Variants in FBXW11 observed in about 807,000 individuals in gnomAD.
FBXW11 encodes the protein F-box and WD repeat domain containing 11, also known as F-box/WD repeat-containing protein 11.
In FBXW11, 19 loss-of-function variants were observed where a neutral mutation model predicts 77.6. The ratio of observed to expected loss-of-function variants is 0.24; its 90% confidence interval spans 0.17 to 0.36. FBXW11 has a LOEUF of 0.36. Ranked by LOEUF, FBXW11 falls within the 10% of genes least tolerant of loss-of-function variation. The probability of loss-of-function intolerance (pLI) is 1.00; values close to 1 mark genes in which losing one functional copy is unlikely to be tolerated. For missense variants in FBXW11, 334 were observed against 704.2 expected, an observed-to-expected ratio of 0.47 and a Z score of 5.95; for synonymous variants, 235 against 249.4, an observed-to-expected ratio of 0.94 and a Z score of 0.54.
intron 1 of FBXW11, among the ~76,000 whole-genome samples, chr5:171,979,549 C>T (rs1259054120): frequency 6.6e-6 from 1 of 151,746 alleles, no homozygotes. Flanking sequence ...AAGGTAAGTT[C>T]CTATTCAATA....
At chr5:171,884,866 T>G (rs748093529) in intron 7 of FBXW11, among the ~76,000 whole-genome samples, 11 of 152,208 alleles carry the variant, frequency 7.2e-5, no homozygotes, top group Non-Finnish European at 1.5e-4. Flanking sequence ...GTTCTTGATG[T>G]GATTCTCCTC....
intron 1 of FBXW11, among the ~76,000 whole-genome samples, chr5:171,981,496 T>C (rs1765144596): frequency 6.6e-6 from 1 of 152,308 alleles, no homozygotes; most frequent in East Asian, 1.9e-4. Context: ...GGCAGTCTTT[T>C]GGTTAATTTA....
chr5:171,873,401 T>C (rs938342368), intron 9 of FBXW11, among the ~76,000 whole-genome samples: 9 of 152,156 alleles, frequency 5.9e-5, no homozygotes, highest in African/African-American at 1.9e-4. Context: ...TCCTAGCACT[T>C]TGGGAGGCTG....
intron 6 of FBXW11, among the ~76,000 whole-genome samples, chr5:171,893,099 G>A (rs540684415): frequency 2.6e-5 from 4 of 152,130 alleles, no homozygotes; most frequent in East Asian, 1.9e-4. Flanking sequence ...ATCATTGTTC[G>A]CATTTTATAG....
chr5:171,961,019 T>G (rs987530299), intron 1 of FBXW11, among the ~76,000 whole-genome samples: 3 of 152,198 alleles, frequency 2.0e-5, no homozygotes, highest in Non-Finnish European at 4.4e-5. Context: ...GATGCTGACA[T>G]CATGCTAAAT....
In FBXW11 at chr5:171,864,108, A is replaced by AC. The variant is rs1757236237; in HGVS notation, c.*26-8_*26-7insG. The AC allele has an allele frequency of 6.6e-6, 1 of 152,270 alleles. No homozygotes were observed. Among genetic ancestry groups the AC allele is most frequent in the Non-Finnish European group, 1.5e-5 (1 of 68,076 alleles). The allele number at this position is 152,270 out of a possible 1,614,324, so 9.4% of individuals were successfully genotyped here. On this transcript the variant is annotated splice_polypyrimidine_tract_variant and splice_region_variant and intron_variant, in intron 13 of 13. Transcript: ENST00000517395. Reference sequence around the variant, plus strand: ...AGTTCAAGACTAGAAAACCCTGAGGAAAGAAAAACAGAAGCAAAGGGAGTG... The same window carrying AC: ...AGTTCAAGACTAGAAAACCCTGAGGACAAGAAAAACAGAAGCAAAGGGAGTG...
intron 2 of FBXW11, among the ~76,000 whole-genome samples, chr5:171,942,514 C>G (rs1762803353): frequency 6.6e-6 from 1 of 152,170 alleles, no homozygotes; most frequent in African/African-American, 2.4e-5. Context: ...TTGCTGTTTT[C>G]TCATTGCTAT....
intron 2 of FBXW11, among the ~76,000 whole-genome samples, chr5:171,917,896 A>G (rs1158913859): frequency 6.6e-6 from 1 of 152,056 alleles, no homozygotes; most frequent in African/African-American, 2.4e-5. Flanking sequence ...ATAATATACT[A>G]TTATTTTAAA....
At chr5:171,909,000 A>G (rs949696356) in intron 4 of FBXW11, 3 of 152,262 alleles carry the variant, frequency 2.0e-5, no homozygotes, top group Admixed American at 2.0e-4. Flanking sequence ...TGACATGGCA[A>G]TTTTAACCAC....
intron 1 of FBXW11, among the ~76,000 whole-genome samples, chr5:171,983,373 T>C (rs1405541560): frequency 6.6e-6 from 1 of 152,112 alleles, no homozygotes; most frequent in Non-Finnish European, 1.5e-5. Flanking sequence ...GTTACCTGTT[T>C]CCCTGAATTC....
intron 2 of FBXW11, among the ~76,000 whole-genome samples, chr5:171,957,041 G>A (rs1763650610): frequency 6.6e-6 from 1 of 152,194 alleles, no homozygotes; most frequent in African/African-American, 2.4e-5. Flanking sequence ...TGGACCCTGA[G>A]GACAGGTGTC....
At chr5:171,887,249 T>C (rs1357428866) in intron 7 of FBXW11, among the ~76,000 whole-genome samples, 2 of 152,160 alleles carry the variant, frequency 1.3e-5, no homozygotes, top group Admixed American at 1.3e-4. Context: ...TAGATTCACA[T>C]CCACAGAATA....
intron 2 of FBXW11, among the ~76,000 whole-genome samples, chr5:171,940,201 T>A (rs1280477562): frequency 6.6e-6 from 1 of 152,208 alleles, no homozygotes; most frequent in Non-Finnish European, 1.5e-5. Context: ...GGAGTCAGGT[T>A]TCTCACTGTT....
intron 1 of FBXW11, among the ~76,000 whole-genome samples, chr5:171,999,195 T>C (rs759497888): frequency 6.6e-6 from 1 of 152,166 alleles, no homozygotes; most frequent in Non-Finnish European, 1.5e-5. Flanking sequence ...TTGACAGAAG[T>C]AGCTAGGGAA....
intron 1 of FBXW11, among the ~76,000 whole-genome samples, chr5:171,989,046 A>ATG (rs1255501782): frequency 6.6e-6 from 1 of 151,890 alleles, no homozygotes; most frequent in African/African-American, 2.4e-5. Context: ...GCGTGGTGGT[A>ATG]TGCACCTGTA....
chr5:171,995,493 C>T (rs1468990691), intron 1 of FBXW11, among the ~76,000 whole-genome samples: 1 of 152,106 alleles, frequency 6.6e-6, no homozygotes, highest in African/African-American at 2.4e-5. Context: ...ATGGCTCACG[C>T]CTGTAATCCC....
At chr5:171,932,315 T>A (rs776962641) in intron 2 of FBXW11, among the ~76,000 whole-genome samples, 7 of 152,130 alleles carry the variant, frequency 4.6e-5, no homozygotes, top group Non-Finnish European at 7.4e-5. Flanking sequence ...TCTTCATAAG[T>A]CATCAGGTAA....
intron 2 of FBXW11, among the ~76,000 whole-genome samples, chr5:171,928,857 G>A (rs1762018623): frequency 6.6e-6 from 1 of 152,160 alleles, no homozygotes; most frequent in Admixed American, 6.5e-5. Flanking sequence ...CAGATCACTT[G>A]AGGTCAGGAG....
At chr5:171,946,023 AT>A (rs1369287537) in intron 2 of FBXW11, among the ~76,000 whole-genome samples, 1 of 152,208 alleles carries the variant, frequency 6.6e-6, no homozygotes, top group Non-Finnish European at 1.5e-5. Flanking sequence ...TATGATTAAC[AT>A]TTACAATCAG....
Sources: gnomAD v4.1 joint callset for allele counts (sites outside exome capture counted in the v4.1 genomes callset) on GRCh38, gnomAD v4.1.1 for gene constraint, MANE v1.5 for transcripts, NCBI Gene and HGNC (gene_info 2026-07-23, HGNC 2026-07-21) for gene names.